The following SMYD3 variants were observed in gnomAD, a reference collection of about 807,000 sequenced individuals.
SMYD3 encodes histone-lysine N-methyltransferase SMYD3.
A neutral mutation model predicts 57.7 loss-of-function variants in SMYD3; 36 were observed. The observed-to-expected ratio is 0.62, with a 90% CI of 0.48 to 0.82. The LOEUF (loss-of-function observed/expected upper bound fraction) is 0.82, where lower values mean the gene tolerates loss of function less well. Among genes scored for constraint, SMYD3 ranks in the 40% least tolerant of loss-of-function variants. The probability of loss-of-function intolerance (pLI) is 0.00; values close to 1 mark genes in which losing one functional copy is unlikely to be tolerated. For synonymous variants in SMYD3, 211 were observed against 195.0 expected, an observed-to-expected ratio of 1.08 and a Z score of -0.68; for missense variants, 515 against 538.8, an observed-to-expected ratio of 0.96 and a Z score of 0.44.
chr1:246,372,712 C>T (rs1471468831), intron 1 of SMYD3, among the ~76,000 whole-genome samples: 5 of 152,154 alleles, frequency 3.3e-5, no homozygotes, highest in Non-Finnish European at 5.9e-5. Context: ...CTCTACTGGC[C>T]AGCTGCAGTG....
intron 5 of SMYD3, among the ~76,000 whole-genome samples, chr1:246,169,623 G>C (rs1362650237): frequency 1.3e-5 from 2 of 152,000 alleles, no homozygotes; most frequent in Non-Finnish European, 2.9e-5. Context: ...TAAAGATACA[G>C]CAAGGCCGGG....
At chr1:246,409,553 G>C (rs1037994404) in intron 1 of SMYD3, among the ~76,000 whole-genome samples, 2 of 152,184 alleles carry the variant, frequency 1.3e-5, no homozygotes, top group Non-Finnish European at 2.9e-5. Flanking sequence ...TTTGGTACCA[G>C]TACCATGCTG....
chr1:246,316,367 T>G (rs1243756890), intron 5 of SMYD3, among the ~76,000 whole-genome samples: 1 of 150,916 alleles, frequency 6.6e-6, no homozygotes, highest in Non-Finnish European at 1.5e-5. Flanking sequence ...ATGGGTTTTT[T>G]TTTTTTTTTT....
intron 1 of SMYD3, among the ~76,000 whole-genome samples, chr1:246,459,918 CAAAAAAAAA>C (rs35958617): frequency 9.0e-5 from 8 of 88,934 alleles, no homozygotes; most frequent in Middle Eastern, 6.5e-3. Context: ...TTCCGCCACC[CAAAAAAAAA>C]AAAAAAAAAA....
At chr1:246,386,641 TAA>T (rs35215830) in intron 1 of SMYD3, among the ~76,000 whole-genome samples, 1 of 144,538 alleles carries the variant, frequency 6.9e-6, no homozygotes, top group African/African-American at 2.6e-5. Context: ...TTTTAATTGT[TAA>T]AAAAAAAAAA....
At chr1:245,840,634 C>A (rs918873675) in intron 10 of SMYD3, among the ~76,000 whole-genome samples, 4 of 151,940 alleles carry the variant, frequency 2.6e-5, no homozygotes, top group African/African-American at 7.3e-5. Flanking sequence ...AAAGCTAGAT[C>A]TTTATTTTTC....
intron 1 of SMYD3, among the ~76,000 whole-genome samples, chr1:246,413,249 A>G (rs1042571240): frequency 6.6e-6 from 1 of 152,212 alleles, no homozygotes; most frequent in African/African-American, 2.4e-5. Flanking sequence ...GCACAGAAAG[A>G]AAGTCAGGTT....
intron 4 of SMYD3, 33 bp downstream of exon 4, chr1:246,330,447 A>G (rs890608341): frequency 5.9e-6 from 9 of 1,514,266 alleles, no homozygotes; most frequent in Non-Finnish European, 4.4e-6. Flanking sequence ...AATTATAGAA[A>G]CTTTTTTAAG....
chr1:245,950,970 T>A (rs1389319010), intron 5 of SMYD3, among the ~76,000 whole-genome samples: 1 of 152,068 alleles, frequency 6.6e-6, no homozygotes, highest in African/African-American at 2.4e-5. Flanking sequence ...GCCTGACAAG[T>A]CTTTGAGTTA....
chr1:245,838,967 A>G (rs2148411099), intron 10 of SMYD3, among the ~76,000 whole-genome samples: 1 of 152,244 alleles, frequency 6.6e-6, no homozygotes, highest in South Asian at 2.1e-4. Flanking sequence ...CTTGGAAGTG[A>G]GGCAGATCAC....
intron 5 of SMYD3, among the ~76,000 whole-genome samples, chr1:246,030,526 T>C (rs1320074235): frequency 6.6e-6 from 1 of 152,138 alleles, no homozygotes; most frequent in African/African-American, 2.4e-5. Flanking sequence ...CTCAACTGTA[T>C]TATATTTTTC....
intron 5 of SMYD3, among the ~76,000 whole-genome samples, chr1:245,936,464 C>T (rs1040439016): frequency 6.0e-5 from 9 of 151,246 alleles, no homozygotes; most frequent in Admixed American, 3.3e-4. Flanking sequence ...GTCTTATAAT[C>T]GAGAAAAAGA....
At chr1:246,124,661 A>G (rs1218547094) in intron 5 of SMYD3, among the ~76,000 whole-genome samples, 1 of 152,242 alleles carries the variant, frequency 6.6e-6, no homozygotes, top group Non-Finnish European at 1.5e-5. Flanking sequence ...TAAAAGGCAG[A>G]TGACATAAGG....
chr1:246,439,284 G>C (rs2067428452), intron 1 of SMYD3, among the ~76,000 whole-genome samples: 1 of 152,068 alleles, frequency 6.6e-6, no homozygotes, highest in Non-Finnish European at 1.5e-5. Flanking sequence ...ATCCAAGCCT[G>C]GCTGCATCCA....
chr1:245,776,276 T>A (rs1288801615), intron 10 of SMYD3, among the ~76,000 whole-genome samples: 2 of 152,200 alleles, frequency 1.3e-5, no homozygotes, highest in Non-Finnish European at 2.9e-5. Context: ...AAAGCCAGTT[T>A]GCGGAGAGCA....
At chr1:245,809,521 C>A (rs1036393925) in intron 10 of SMYD3, among the ~76,000 whole-genome samples, 1 of 152,166 alleles carries the variant, frequency 6.6e-6, no homozygotes, top group African/African-American at 2.4e-5. Context: ...CCCTGAGAAC[C>A]CTGCTGTTGT....
At chr1:246,152,078 G>T (rs2061949264) in intron 5 of SMYD3, among the ~76,000 whole-genome samples, 2 of 152,228 alleles carry the variant, frequency 1.3e-5, no homozygotes, top group Non-Finnish European at 2.9e-5. Context: ...TTCCTCTGGA[G>T]TCTGTGAAAC....
chr1:246,491,348 G>A (rs1378166399), intron 1 of SMYD3, among the ~76,000 whole-genome samples: 1 of 152,110 alleles, frequency 6.6e-6, no homozygotes, highest in African/African-American at 2.4e-5. Flanking sequence ...GACCAGCCTG[G>A]CCAACATGGC....
intron 1 of SMYD3, among the ~76,000 whole-genome samples, chr1:246,422,026 A>G (rs1336660226): frequency 6.6e-6 from 1 of 152,188 alleles, no homozygotes; most frequent in African/African-American, 2.4e-5. Context: ...ACCAAAAGTA[A>G]TATTATACCA....
Sources: allele counts gnomAD v4.1 joint callset (sites outside exome capture counted in the v4.1 genomes callset), GRCh38; gene constraint gnomAD v4.1.1; transcripts MANE v1.5; gene names NCBI Gene and HGNC (gene_info 2026-07-23, HGNC 2026-07-21).